The following MCTP2 variants were observed in gnomAD, a reference collection of about 807,000 sequenced individuals.
MCTP2 encodes multiple C2 and transmembrane domain containing 2.
Under a neutral mutation model 111.6 loss-of-function variants are expected in MCTP2, and 132 were observed. That is an observed-to-expected ratio of 1.18 (90% CI 1.03 to 1.37). The LOEUF (loss-of-function observed/expected upper bound fraction) is 1.37, where lower values mean the gene tolerates loss of function less well. Among genes scored for constraint, MCTP2 ranks in the 40% most tolerant of loss-of-function variants. The pLI is 0.00. For synonymous variants in MCTP2, 395 were observed against 387.7 expected, an observed-to-expected ratio of 1.02 and a Z score of -0.22; for missense variants, 1,183 against 1,067.9, an observed-to-expected ratio of 1.11 and a Z score of -1.50.
Position 94,398,976 on chromosome 15 carries a change from C to T in MCTP2, c.1804C>T (p.Pro602Ser). The stretch of plus-strand genomic sequence containing the variant: ...TTTGTGACAGATTAGAGATGGACAA[C>T]CGAATTGTTATGTACTAAAGAATAA... ...IPLLSIRDGQ[P>S]NCYVLKNKDL... The change falls in exon 15 of 23, where the codon CCG becomes TCG. Residue 602 changes from proline to serine, a missense_variant. Transcript: ENST00000357742. 1 of 1,553,486 alleles carries T rather than the reference C, an allele frequency of 6.4e-7. No homozygotes were observed. The highest frequency in any genetic ancestry group is 8.9e-7 in the Non-Finnish European group (1 of 1,126,078).
At chr15:94,403,162 A>G (rs1036882688) in intron 17 of MCTP2, 4 of 985,698 alleles carry the variant, frequency 4.1e-6, no homozygotes, top group Non-Finnish European at 4.8e-6. Flanking sequence ...TAGAGGACCT[A>G]TGCTGCCTGT....
intron 1 of MCTP2, among the ~76,000 whole-genome samples, chr15:94,269,560 G>T (rs779483095): frequency 8.5e-5 from 13 of 152,130 alleles, no homozygotes; most frequent in Non-Finnish European, 1.9e-4. Flanking sequence ...AAGCTCTCTC[G>T]TGGACAGAGC....
chr15:94,368,037 G>GT (rs1567544761), intron 11 of MCTP2, among the ~76,000 whole-genome samples: 1 of 152,206 alleles, frequency 6.6e-6, no homozygotes, highest in Non-Finnish European at 1.5e-5. Flanking sequence ...AATTTTTAGC[G>GT]TTTAGCAAGT....
chr15:94,474,618 G>A (rs1198977499), intron 21 of MCTP2, among the ~76,000 whole-genome samples: 1 of 152,134 alleles, frequency 6.6e-6, no homozygotes, highest in Non-Finnish European at 1.5e-5. Flanking sequence ...CAGCACTTTG[G>A]GAGGCTGAGG....
At chr15:94,390,076 ATATATATATATATG>A (rs1245355338) in intron 14 of MCTP2, among the ~76,000 whole-genome samples, 4 of 12,632 alleles carry the variant, frequency 3.2e-4, no homozygotes, top group African/African-American at 6.4e-4. Flanking sequence ...ATATATATAT[ATATATATATATATG>A]TATATATATA....
chr15:94,274,204 ATATAC>A lies in MCTP2; in HGVS notation c.-65-23995_-65-23991del, dbSNP rs201541820. 1.0e-2 allele frequency among the ~76,000 whole-genome samples: 1,522 copies of A among 152,292 alleles called. 13 individuals carry two copies. Among genetic ancestry groups the A allele is most frequent in the Non-Finnish European group, 0.014 (931 of 68,012 alleles). ...GCTCTAAAAAAAAAGAAATCAGGAAATATACTGAACTGAATGGTAATGAAAATGTG... is the reference window on the plus strand; with the variant it reads ...GCTCTAAAAAAAAAGAAATCAGGAAATGAACTGAATGGTAATGAAAATGTG... On this transcript the variant is annotated intron_variant, in intron 1 of 22. Coordinates refer to ENST00000357742, the MANE Select transcript of MCTP2 (RefSeq NM_001385001.1).
chr15:94,380,092 A>G (rs1322661929), intron 12 of MCTP2, among the ~76,000 whole-genome samples: 1 of 151,920 alleles, frequency 6.6e-6, no homozygotes, highest in African/African-American at 2.4e-5. Context: ...ATTTCTCTGA[A>G]CTTTCATGCT....
At chr15:94,443,859 T>G (rs2255368) in intron 19 of MCTP2, among the ~76,000 whole-genome samples, 15,064 of 151,710 alleles carry the variant, frequency 0.099, 874 homozygotes, top group East Asian at 0.16. Context: ...CAGAAAAGGG[T>G]TCACACAGAT....
At chr15:94,443,042 CCTCT>C (rs113004396) in intron 19 of MCTP2, 82 bp downstream of exon 19, 102 of 996,962 alleles carry the variant, frequency 1.0e-4, no homozygotes, top group Admixed American at 1.5e-4. Flanking sequence ...GAGTCTCTCT[CCTCT>C]CTTTTTTTTT....
At chr15:94,360,481 C>T (rs1268402856) in intron 10 of MCTP2, among the ~76,000 whole-genome samples, 1 of 152,194 alleles carries the variant, frequency 6.6e-6, no homozygotes, top group Admixed American at 6.5e-5. Context: ...AAATTTTGTG[C>T]TAGCCGAAAG....
chr15:94,302,875 A>G (rs1293465010), intron 2 of MCTP2, among the ~76,000 whole-genome samples: 1 of 151,916 alleles, frequency 6.6e-6, no homozygotes, highest in East Asian at 1.9e-4. Context: ...AGACGGGGCA[A>G]ATTACAAAAG....
rs557554959 is a variant in MCTP2 at position 94,325,992 on chromosome 15, G to T, written c.637+10355G>T. Among the ~76,000 whole-genome samples, 13 of 151,642 alleles carry T rather than the reference G, an allele frequency of 8.6e-5. No homozygotes were observed. The East Asian group carries it at 2.5e-3, about 30-fold the overall frequency. ...GCGCCACCATGCCCAGCTAATTTTT[G>T]TATTTTTAGTAGTGATGGGGGTTTC... On this transcript the variant is annotated intron_variant, in intron 4 of 22. Coordinates refer to ENST00000357742, the MANE Select transcript of MCTP2 (RefSeq NM_001385001.1).
chr15:94,459,246 T>C (rs62017663), intron 20 of MCTP2, among the ~76,000 whole-genome samples: 25,328 of 152,156 alleles, frequency 0.17, 2,329 homozygotes, highest in Non-Finnish European at 0.21. Flanking sequence ...GAATATATTG[T>C]TTTGGAATTG....
At chr15:94,476,643 GATA>G (rs2074380898) in intron 21 of MCTP2, 50 bp from the exon 22 acceptor site, 2 of 905,750 alleles carry the variant, frequency 2.2e-6, no homozygotes, top group Non-Finnish European at 1.8e-6. Context: ...TAGATAGATA[GATA>G]GATAGACAGA....
rs2071885798 is a variant in MCTP2 at position 94,245,551 on chromosome 15, T to C, written c.-66+13887T>C. On this transcript the variant is annotated intron_variant, in intron 1 of 22. Coordinates refer to ENST00000357742, the MANE Select transcript of MCTP2 (RefSeq NM_001385001.1). ...TTATATACATACATGTATATATTTA[T>C]ATATGTATACATATATGTATATATA... 2.1e-5 allele frequency among the ~76,000 whole-genome samples: 3 copies of C among 143,790 alleles called. No homozygotes were observed. In the South Asian group the frequency reaches 6.4e-4, roughly 30 times the overall value. The allele number at this position is 143,790 out of a possible 152,430, so 94.3% of individuals were successfully genotyped here.
At chr15:94,291,781 A>T (rs2075043575) in intron 1 of MCTP2, among the ~76,000 whole-genome samples, 1 of 152,172 alleles carries the variant, frequency 6.6e-6, no homozygotes, top group South Asian at 2.1e-4. Flanking sequence ...AATGAAGAAA[A>T]TGCTCAAAGC....
rs1468722380 is a variant in MCTP2 at position 94,272,225 on chromosome 15, T to C, written c.-65-25976T>C. Among the ~76,000 whole-genome samples the C allele has an allele frequency of 2.0e-5, 3 of 152,082 alleles. No homozygotes were observed. In the East Asian group the frequency reaches 5.8e-4, roughly 29 times the overall value. On this transcript the variant is annotated intron_variant, in intron 1 of 22. Coordinates refer to ENST00000357742, the MANE Select transcript of MCTP2 (RefSeq NM_001385001.1). ...GGCTAAGACAATTTTTTTTATTGGATGGTGCTTAATTTCAAAACTTGGGTC... is the reference window on the plus strand; with the variant it reads ...GGCTAAGACAATTTTTTTTATTGGACGGTGCTTAATTTCAAAACTTGGGTC...
chr15:94,294,941 CTTTTTTTTTTTTT>C (rs71133001), intron 1 of MCTP2, among the ~76,000 whole-genome samples: 6 of 73,986 alleles, frequency 8.1e-5, no homozygotes, highest in African/African-American at 1.1e-4. Context: ...TTTTCTTTTC[CTTTTTTTTTTTTT>C]TTTTTTTTTT....
At chr15:94,240,564 C>T (rs2070873784) in intron 1 of MCTP2, among the ~76,000 whole-genome samples, 1 of 152,146 alleles carries the variant, frequency 6.6e-6, no homozygotes, top group Non-Finnish European at 1.5e-5. Flanking sequence ...TGAAATCCTT[C>T]ATGACAGGGG....
Sources: gnomAD v4.1 joint callset for allele counts (sites outside exome capture counted in the v4.1 genomes callset) on GRCh38, gnomAD v4.1.1 for gene constraint, MANE v1.5 for transcripts, NCBI Gene and HGNC (gene_info 2026-07-23, HGNC 2026-07-21) for gene names.